The following DPRX variants were observed in gnomAD, a reference collection of about 807,000 sequenced individuals.
DPRX encodes the protein divergent-paired related homeobox, also known as divergent paired-related homeobox.
In DPRX, 11 loss-of-function variants were observed where a neutral mutation model predicts 8.4. The observed-to-expected ratio is 1.31, with a 90% CI of 0.82 to 2.17. The LOEUF is 2.17. DPRX is among the 30% of genes most tolerant of loss of function. The pLI, the probability that DPRX is intolerant of heterozygous loss-of-function variation, is 0.00. For synonymous variants in DPRX, 72 were observed against 87.0 expected (o/e 0.83, Z 0.96); for missense variants, 211 against 236.7 (o/e 0.89, Z 0.71).
chr19:53,627,232 C>T (rs1045533488), upstream of DPRX, among the ~76,000 whole-genome samples: 6 of 151,960 alleles, frequency 3.9e-5, no homozygotes, highest in African/African-American at 1.4e-4. Context: ...CTTTGAAAAC[C>T]ACCACTAAGA....
the DPRX span, among the ~76,000 whole-genome samples, chr19:53,623,953 A>AAAATAAAT: frequency 2.0e-3 from 260 of 127,482 alleles, no homozygotes; most frequent in African/African-American, 7.3e-3. Context: ...TCCGTCTCAA[A>AAAATAAAT]AAATAAATAA....
At chr19:53,615,715 A>G in the DPRX span, among the ~76,000 whole-genome samples, 1 of 152,054 alleles carries the variant, frequency 6.6e-6, no homozygotes. Context: ...TTTTTACTAC[A>G]GTCCTCTTTT....
chr19:53,636,936 G>A, exon 3 of DPRX: 1 of 1,613,210 alleles, frequency 6.2e-7, no homozygotes, highest in Non-Finnish European at 8.5e-7. Flanking sequence ...TGCGCTCCAA[G>A]CTTCCATTCT....
the DPRX span, among the ~76,000 whole-genome samples, chr19:53,601,627 A>T: frequency 1.3e-5 from 2 of 151,804 alleles, no homozygotes; most frequent in East Asian, 1.9e-4. Context: ...GATTACCGGC[A>T]CACACCACCA....
chr19:53,603,998 G>A, the DPRX span, among the ~76,000 whole-genome samples: 5 of 151,862 alleles, frequency 3.3e-5, no homozygotes, highest in Non-Finnish European at 5.9e-5. Context: ...CACCTGTCTC[G>A]GCCTCCCAAA....
At chr19:53,608,195 TAAATAA>T in the DPRX span, 4 of 143,154 alleles carry the variant, frequency 2.8e-5, no homozygotes, top group African/African-American at 7.7e-5. Context: ...AATAAATAAA[TAAATAA>T]AAATAAATAA....
chr19:53,608,620 G>A, the DPRX span, among the ~76,000 whole-genome samples: 2 of 152,186 alleles, frequency 1.3e-5, no homozygotes, highest in East Asian at 1.9e-4. Context: ...GCACAATGCC[G>A]TGGATGTACT....
the DPRX span, among the ~76,000 whole-genome samples, chr19:53,621,968 G>C: frequency 2.6e-5 from 4 of 151,982 alleles, no homozygotes; most frequent in African/African-American, 9.7e-5. Context: ...CCCCCACGTC[G>C]TCTACATTTC....
chr19:53,623,162 C>T, the DPRX span, among the ~76,000 whole-genome samples: 1,726 of 151,906 alleles, frequency 0.011, 70 homozygotes, highest in East Asian at 0.16. Context: ...AAAAAATTAG[C>T]TGGGCCTGGT....
the DPRX span, chr19:53,603,268 T>C: frequency 6.7e-5 from 30 of 449,992 alleles, no homozygotes; most frequent in Non-Finnish European, 1.2e-4. Flanking sequence ...TCCTCTCAAC[T>C]ACCAAAGCCC....
the DPRX span, among the ~76,000 whole-genome samples, chr19:53,610,858 A>G: frequency 1.3e-5 from 2 of 152,142 alleles, no homozygotes; most frequent in African/African-American, 4.8e-5. Flanking sequence ...CACTGATTGT[A>G]GACAAATAAG....
the DPRX span, among the ~76,000 whole-genome samples, chr19:53,608,699 T>C: frequency 6.6e-6 from 1 of 152,058 alleles, no homozygotes; most frequent in Admixed American, 6.6e-5. Context: ...ACGCCTGTAA[T>C]CCCAGCACTC....
At chr19:53,601,624 G>A in the DPRX span, among the ~76,000 whole-genome samples, 2 of 151,710 alleles carry the variant, frequency 1.3e-5, no homozygotes, top group Admixed American at 6.6e-5. Context: ...TGGGATTACC[G>A]GCACACACCA....
chr19:53,634,882 G>A (rs1392314880), intron 2 of DPRX, among the ~76,000 whole-genome samples, 197 bp downstream of exon 2: 1 of 152,134 alleles, frequency 6.6e-6, no homozygotes, highest in Non-Finnish European at 1.5e-5. Context: ...AAAGGACCAG[G>A]TAGTAAATAA....
intron 2 of DPRX, among the ~76,000 whole-genome samples, chr19:53,635,207 A>G (rs756372778): frequency 6.6e-6 from 1 of 152,104 alleles, no homozygotes; most frequent in Non-Finnish European, 1.5e-5. Flanking sequence ...GGGTTTCGCT[A>G]TATTGCCCAG....
chr19:53,630,425 A>T (rs953045268), upstream of DPRX, among the ~76,000 whole-genome samples: 4 of 151,742 alleles, frequency 2.6e-5, no homozygotes, highest in Non-Finnish European at 5.9e-5. Flanking sequence ...GGTAGTGTGC[A>T]CCTGTAGTCC....
the DPRX span, chr19:53,601,399 A>T: frequency 2.2e-6 from 1 of 456,012 alleles, no homozygotes; most frequent in Admixed American, 2.4e-5. Context: ...AACCGTGAGC[A>T]CACCACGAAC....
At chr19:53,626,749 G>C in the DPRX span, among the ~76,000 whole-genome samples, 1 of 152,006 alleles carries the variant, frequency 6.6e-6, no homozygotes, top group Non-Finnish European at 1.5e-5. Flanking sequence ...CCCAGGCTGG[G>C]GTGCAGTGGC....
chr19:53,609,688 A>G, the DPRX span, among the ~76,000 whole-genome samples: 1 of 151,912 alleles, frequency 6.6e-6, no homozygotes, highest in Non-Finnish European at 1.5e-5. Context: ...CAACATGGCA[A>G]AACCCCGTCT....
Sources: allele counts gnomAD v4.1 joint callset (sites outside exome capture counted in the v4.1 genomes callset), GRCh38; gene constraint gnomAD v4.1.1; transcripts MANE v1.5; gene names NCBI Gene and HGNC (gene_info 2026-07-23, HGNC 2026-07-21).